Variants in TLL2 observed in about 807,000 individuals in gnomAD.
TLL2 encodes the protein tolloid like 2.
A neutral mutation model predicts 123.0 loss-of-function variants in TLL2; 106 were observed. The observed-to-expected ratio is 0.86, with a 90% CI of 0.74 to 1.01. TLL2 has a LOEUF of 1.01. Ranked by LOEUF, TLL2 falls within the 50% of genes least tolerant of loss-of-function variation. The pLI is 0.00. For synonymous variants in TLL2, 494 were observed against 516.8 expected (o/e 0.96, Z 0.60); for missense variants, 1,332 against 1,336.7 (o/e 1.00, Z 0.06).
chr10:96,458,005 G>A (rs967405804), intron 2 of TLL2, among the ~76,000 whole-genome samples: 1 of 152,114 alleles, frequency 6.6e-6, no homozygotes, highest in African/African-American at 2.4e-5. Context: ...TGTCTCCCCA[G>A]CTCTGGGACG....
At chr10:96,442,552 C>T (rs982902838) in intron 3 of TLL2, among the ~76,000 whole-genome samples, 1 of 152,236 alleles carries the variant, frequency 6.6e-6, no homozygotes, top group Non-Finnish European at 1.5e-5. Flanking sequence ...TGCTTGTCTG[C>T]TGCTGTAATG....
chr10:96,367,925 C>A lies in TLL2; in HGVS notation c.*163G>T. On this transcript the variant is annotated 3_prime_UTR_variant, in exon 21 of 21. Transcript: ENST00000357947. ...CTCTCCACCTTGTTGGCCAAACTTA[C>A]AAGACTTTCATTCAAATATATACCT... The A allele has an allele frequency of 5.8e-6, 5 of 858,650 alleles. No homozygotes were observed. In the East Asian group the frequency reaches 8.1e-5, roughly 14 times the overall value. The allele number at this position is 858,650 out of a possible 1,614,324, so 53.2% of individuals were successfully genotyped here.
chr10:96,405,373 G>C (rs754648076), intron 9 of TLL2, 39 bp from the exon 10 acceptor site: 10 of 1,598,314 alleles, frequency 6.3e-6, no homozygotes, highest in Non-Finnish European at 8.6e-6. Flanking sequence ...TGGCAGCAAA[G>C]CCTGAGGAGT....
chr10:96,492,030 T>G (rs1445832103), intron 1 of TLL2, among the ~76,000 whole-genome samples: 1 of 152,040 alleles, frequency 6.6e-6, no homozygotes, highest in Non-Finnish European at 1.5e-5. Flanking sequence ...GCAAGGCTCA[T>G]CTCTGCAGCT....
chr10:96,390,405 C>T (rs1846275667), intron 13 of TLL2, among the ~76,000 whole-genome samples: 1 of 152,186 alleles, frequency 6.6e-6, no homozygotes, highest in South Asian at 2.1e-4. Flanking sequence ...AATGGCCCTG[C>T]CAGCCCTTGA....
rs750591436 is a variant in TLL2 at position 96,368,213 on chromosome 10, C to T, written c.2923G>A (p.Glu975Lys). Reference sequence around the variant, plus strand: ...AGGGAATCACCTGCAGAGTAGATTTCTTCTAATGGCTGAGGAAAGGAGAAA... The same window carrying T: ...AGGGAATCACCTGCAGAGTAGATTTTTTCTAATGGCTGAGGAAAGGAGAAA... ...GRFCGSGPLE[E>K]IYSAGDSLMI... The change falls in exon 21 of 21, where the codon GAA (glutamate) becomes AAA (lysine). Residue 975 changes from glutamate (E) to lysine (K), a missense_variant. Transcript: ENST00000357947. 8.1e-6 allele frequency: 13 copies of T among 1,613,846 alleles called. No individual in the cohort carries two copies. The East Asian group carries it at 2.5e-4, about 30-fold the overall frequency.
intron 10 of TLL2, among the ~76,000 whole-genome samples, chr10:96,397,751 TA>T (rs986203741): frequency 6.6e-6 from 1 of 152,180 alleles, no homozygotes; most frequent in Admixed American, 6.5e-5. Context: ...AGCAAAGAAA[TA>T]AAACCATCTT....
At chr10:96,368,380 T>C (rs1397090626) in intron 20 of TLL2, among the ~76,000 whole-genome samples, 158 bp from the exon 21 acceptor site, 2 of 152,222 alleles carry the variant, frequency 1.3e-5, no homozygotes, top group African/African-American at 4.8e-5. Flanking sequence ...AAAGAAAACA[T>C]TGCAAATTCT....
At chr10:96,421,534 G>C (rs916357699) in intron 6 of TLL2, among the ~76,000 whole-genome samples, 2 of 151,984 alleles carry the variant, frequency 1.3e-5, no homozygotes, top group Non-Finnish European at 2.9e-5. Flanking sequence ...CATGGTGGCG[G>C]GTGCCTGTAG....
intron 2 of TLL2, among the ~76,000 whole-genome samples, chr10:96,446,747 T>C (rs1300640451): frequency 2.0e-5 from 3 of 152,242 alleles, no homozygotes; most frequent in Non-Finnish European, 4.4e-5. Flanking sequence ...AGGACAGTGA[T>C]GCTTGTACGT....
chr10:96,490,800 T>C (rs890724198), intron 1 of TLL2, among the ~76,000 whole-genome samples: 2 of 152,298 alleles, frequency 1.3e-5, no homozygotes, highest in Non-Finnish European at 2.9e-5. Context: ...ACCAGCAGCA[T>C]CAACATTATC....
intron 1 of TLL2, among the ~76,000 whole-genome samples, chr10:96,491,647 TAAATTTGGAAATGTAAA>T (rs1472092133): frequency 6.6e-6 from 1 of 152,214 alleles, no homozygotes; most frequent in Non-Finnish European, 1.5e-5. Context: ...TGTTATGTAA[TAAATTTGGAAATGTAAA>T]AGGTCTAGCT....
intron 10 of TLL2, among the ~76,000 whole-genome samples, chr10:96,400,877 G>A (rs570833821): frequency 6.6e-6 from 1 of 152,136 alleles, no homozygotes; most frequent in African/African-American, 2.4e-5. Context: ...CCCTCTTTAG[G>A]TGCAATATCA....
intron 16 of TLL2, among the ~76,000 whole-genome samples, chr10:96,381,837 A>T (rs1846188978): frequency 6.6e-6 from 1 of 152,184 alleles, no homozygotes; most frequent in Non-Finnish European, 1.5e-5. Flanking sequence ...TGACTTGCTC[A>T]GTGAGAGACT....
intron 1 of TLL2, among the ~76,000 whole-genome samples, chr10:96,490,901 G>A (rs995404558): frequency 5.9e-5 from 9 of 152,112 alleles, no homozygotes; most frequent in Admixed American, 3.9e-4. Flanking sequence ...CAAGGAAATC[G>A]GGTGCACCCT....
intron 13 of TLL2, 100 bp from the exon 14 acceptor site, chr10:96,387,178 TA>T: frequency 2.0e-6 from 3 of 1,525,044 alleles, no homozygotes; most frequent in Non-Finnish European, 2.7e-6. Context: ...TGTCCTCTAA[TA>T]AACAGGAGCC....
intron 1 of TLL2, among the ~76,000 whole-genome samples, chr10:96,495,055 CT>C (rs1433243920): frequency 6.6e-6 from 1 of 152,104 alleles, no homozygotes; most frequent in Non-Finnish European, 1.5e-5. Flanking sequence ...AGGGTATTTG[CT>C]TGGGGCCTGC....
rs762596599 is a variant in TLL2 at position 96,395,897 on chromosome 10, C to A, written c.1508G>T (p.Gly503Val). The A allele has an allele frequency of 2.5e-6, 4 of 1,614,182 alleles. No individual in the cohort carries two copies. In the African/African-American group the frequency reaches 4.0e-5, roughly 16 times the overall value. ...RITVSEGFHV[G>V]LTFQAFEIER... ...CACCTCAAAAGCTTGGAAGGTAAGT[C>A]CCACGTGAAACCCCTCTGAAACCGT... is the stretch of plus-strand genomic sequence containing the variant. The change falls in exon 12 of 21, where the codon GGA (glycine) becomes GTA (valine). Residue 503 changes from glycine (G) to valine (V), a missense_variant. Physicochemically the swap from Gly to Val is moderately radical, Grantham distance 109. Transcript: ENST00000357947.
chr10:96,389,110 A>G (rs1846262324), intron 13 of TLL2, among the ~76,000 whole-genome samples: 2 of 152,234 alleles, frequency 1.3e-5, no homozygotes, highest in South Asian at 4.1e-4. Flanking sequence ...AGTTGATAAA[A>G]AGTAGCGGAA....
Sources: gnomAD v4.1 joint callset for allele counts (sites outside exome capture counted in the v4.1 genomes callset) on GRCh38, gnomAD v4.1.1 for gene constraint, MANE v1.5 for transcripts, NCBI Gene and HGNC (gene_info 2026-07-23, HGNC 2026-07-21) for gene names.